Variants in OSBPL3 observed in about 807,000 individuals in gnomAD.
The protein encoded by OSBPL3 is oxysterol binding protein like 3, also known as oxysterol-binding protein-related protein 3.
A neutral mutation model predicts 120.1 loss-of-function variants in OSBPL3; 65 were observed. The observed-to-expected ratio is 0.54, with a 90% confidence interval of 0.44 to 0.67. OSBPL3 has a LOEUF of 0.67. Ranked by LOEUF, OSBPL3 falls within the 30% of genes least tolerant of loss-of-function variation. OSBPL3 has a pLI of 0.00. For missense variants in OSBPL3, 1,004 were observed against 1,082.1 expected, an observed-to-expected ratio of 0.93 and a Z score of 1.01; for synonymous variants, 416 against 402.6, an observed-to-expected ratio of 1.03 and a Z score of -0.40.
intron 16 of OSBPL3, among the ~76,000 whole-genome samples, chr7:24,823,306 G>A (rs1795331371): frequency 8.1e-6 from 1 of 122,974 alleles, no homozygotes; most frequent in African/African-American, 2.6e-5. Context: ...CAGAGACTAA[G>A]TGAAAATATA....
At chr7:24,838,173 A>C (rs1484057636) in intron 14 of OSBPL3, among the ~76,000 whole-genome samples, 3 of 152,158 alleles carry the variant, frequency 2.0e-5, no homozygotes, top group Non-Finnish European at 4.4e-5. Context: ...CAAAGAAGAA[A>C]ACTGGGTTTT....
In OSBPL3 at chr7:24,849,261, T is replaced by C; in HGVS notation, c.1159-85A>G. ...CAGTGGGCCCTGCAGGAGCGATCTCTAAGAGCTTGATGAAACTCTTAGTGA... is the reference window on the plus strand; with the variant it reads ...CAGTGGGCCCTGCAGGAGCGATCTCCAAGAGCTTGATGAAACTCTTAGTGA... On this transcript the variant is annotated intron_variant, in intron 11 of 22. Transcript: ENST00000313367. The surrounding 1 kb of genome is among the most constrained non-coding windows in gnomAD (Gnocchi z 5.4). 1.0e-6 allele frequency: 1 copy of C among 978,198 alleles called. No homozygotes were observed. The highest frequency in any genetic ancestry group is 1.6e-6 in the Non-Finnish European group (1 of 638,564). The allele number at this position is 978,198 out of a possible 1,614,324, so 60.6% of individuals were successfully genotyped here.
chr7:24,980,079 C>T lies in OSBPL3; in HGVS notation c.-343G>A. 1.0e-6 allele frequency: 1 copy of T among 984,588 alleles called. No homozygotes were observed. Among genetic ancestry groups the T allele is most frequent in the Non-Finnish European group, 1.2e-6 (1 of 829,208 alleles). 61.0% of individuals were successfully genotyped at this position (984,588 alleles called of 1,614,324 possible). A position where few individuals can be genotyped will look rare whatever the true frequency, so the allele number is the denominator to read the frequency against. On this transcript the variant is annotated 5_prime_UTR_variant, in exon 1 of 23. Transcript: ENST00000313367. ...GACAGACTGCGGGGCCGGAGCCGCG[C>T]TGCGCACCGGCCGCGAAGCGCTCAA... is the stretch of plus-strand genomic sequence containing the variant.
intron 5 of OSBPL3, 76 bp from the exon 6 acceptor site, chr7:24,866,313 C>G (rs1045042136): frequency 1.8e-6 from 2 of 1,091,362 alleles, no homozygotes; most frequent in Non-Finnish European, 2.8e-6. Context: ...CAAATTGAGG[C>G]CACTCTCAAA....
chr7:24,848,605 C>T (rs1006443762), intron 12 of OSBPL3, among the ~76,000 whole-genome samples: 8 of 151,718 alleles, frequency 5.3e-5, no homozygotes, highest in Non-Finnish European at 7.4e-5. Flanking sequence ...AGTGTACAGC[C>T]GCATTCTATA....
intron 10 of OSBPL3, among the ~76,000 whole-genome samples, chr7:24,856,915 C>A (rs1584397139): frequency 3.9e-5 from 6 of 152,270 alleles, no homozygotes; most frequent in Admixed American, 6.5e-5. Flanking sequence ...ATATTCCATC[C>A]AAATTGATTT....
At chr7:24,870,358 C>T (rs1232609147) in intron 5 of OSBPL3, among the ~76,000 whole-genome samples, 2 of 152,156 alleles carry the variant, frequency 1.3e-5, no homozygotes, top group Non-Finnish European at 2.9e-5. Context: ...AAACAGGGCT[C>T]CATGGCCTAA....
At chr7:24,921,244 G>A (rs528640128) in intron 1 of OSBPL3, among the ~76,000 whole-genome samples, 4 of 151,698 alleles carry the variant, frequency 2.6e-5, no homozygotes, top group Admixed American at 1.3e-4. Flanking sequence ...GAAATACCAC[G>A]ATGTAGGCTA....
At chr7:24,926,172 G>A (rs941246970) in intron 1 of OSBPL3, among the ~76,000 whole-genome samples, 1 of 152,210 alleles carries the variant, frequency 6.6e-6, no homozygotes, top group Non-Finnish European at 1.5e-5. Flanking sequence ...GGCACCTATA[G>A]AAGTAGTGTT....
At position 24,852,962 on chromosome 7, in the gene OSBPL3, A is replaced by G. The variant is rs530633051; in HGVS notation, c.1028-328T>C. 7.9e-5 allele frequency among the ~76,000 whole-genome samples: 12 copies of G among 152,284 alleles called. No homozygotes were observed. Among genetic ancestry groups the G allele is most frequent in the African/African-American group, 2.9e-4 (12 of 41,552 alleles). The stretch of plus-strand genomic sequence containing the variant: ...TATAAAAGCTCTGCACTTTTGGTTC[A>G]ATTTTGCTATGGACCTAAAACTGCT... On this transcript the variant is annotated intron_variant, in intron 10 of 22. Transcript: ENST00000313367. The surrounding 1 kb of genome is among the most constrained non-coding windows in gnomAD (Gnocchi z 4.1).
intron 5 of OSBPL3, 110 bp from the exon 6 acceptor site, chr7:24,866,347 A>T: frequency 1.2e-6 from 1 of 832,702 alleles, no homozygotes. Context: ...GTTGGCACGT[A>T]ATTTCAACAG....
In OSBPL3 at chr7:24,842,282, G is replaced by A. The variant is rs781359990; in HGVS notation, c.1398C>T (p.Asn466=). 18 of 1,612,660 alleles carry A rather than the reference G, an allele frequency of 1.1e-5. No individual in the cohort carries two copies. The African/African-American group carries it at 1.2e-4, about 11-fold the overall frequency. The change falls in exon 13 of 23, where the codon AAC becomes AAT. Residue 466 remains asparagine, a synonymous_variant. Transcript: ENST00000313367. ...EVLLSPSSSE[N]EISDDDSYVS... ...ATACTGTAAACATTGCTCAAACCTC[G>A]TTTTCTGAAGAGCTTGGAGATAACA...
At chr7:24,838,340 C>A (rs1562801747) in intron 14 of OSBPL3, among the ~76,000 whole-genome samples, 1 of 151,698 alleles carries the variant, frequency 6.6e-6, no homozygotes, top group East Asian at 1.9e-4. Flanking sequence ...TATTAAAATA[C>A]AAAAAATTAG....
chr7:24,859,862 C>T (rs768253642), intron 10 of OSBPL3, among the ~76,000 whole-genome samples: 5 of 152,196 alleles, frequency 3.3e-5, no homozygotes, highest in East Asian at 1.9e-4. Context: ...TATTATATTA[C>T]GTTTTTGAAA....
At chr7:24,957,083 C>T (rs185385073) in intron 1 of OSBPL3, among the ~76,000 whole-genome samples, 76 of 152,182 alleles carry the variant, frequency 5.0e-4, no homozygotes, top group African/African-American at 1.8e-3. Context: ...CTGTTTAAGC[C>T]ACTCTTGAAA....
chr7:24,975,539 T>C (rs1817486019), intron 1 of OSBPL3, among the ~76,000 whole-genome samples: 1 of 152,214 alleles, frequency 6.6e-6, no homozygotes, highest in Non-Finnish European at 1.5e-5. Flanking sequence ...CTTTTTTCAA[T>C]TGAGCAGTTA....
At chr7:24,950,583 G>A (rs1285414677) in intron 1 of OSBPL3, among the ~76,000 whole-genome samples, 8 of 152,168 alleles carry the variant, frequency 5.3e-5, no homozygotes, top group Non-Finnish European at 1.0e-4. Context: ...TTAGCCAGGC[G>A]CGGTGGCGGG....
At chr7:24,882,363 T>C (rs1803828939) in intron 2 of OSBPL3, among the ~76,000 whole-genome samples, 1 of 152,066 alleles carries the variant, frequency 6.6e-6, no homozygotes, top group African/African-American at 2.4e-5. Context: ...TTTGTCTTTC[T>C]GTGCCTGGCT....
At chr7:24,836,035 T>C (rs948503959) in intron 14 of OSBPL3, among the ~76,000 whole-genome samples, 3 of 152,124 alleles carry the variant, frequency 2.0e-5, no homozygotes, top group Admixed American at 6.5e-5. Context: ...AATTTACCTA[T>C]AGAACAAACC....
Sources: allele counts gnomAD v4.1 joint callset (sites outside exome capture counted in the v4.1 genomes callset), GRCh38; gene constraint gnomAD v4.1.1; non-coding constraint Gnocchi (gnomAD v3.1); transcripts MANE v1.5; gene names NCBI Gene and HGNC (gene_info 2026-07-23, HGNC 2026-07-21).